Variants in MSH3 observed in about 807,000 individuals in gnomAD.
MSH3 encodes the protein DNA mismatch repair protein Msh3.
MSH3 carries 106 observed loss-of-function variants against 123.3 expected under a neutral mutation model. The ratio of observed to expected loss-of-function variants is 0.86; its 90% CI spans 0.73 to 1.01. MSH3 has a LOEUF of 1.01. Among genes scored for constraint, MSH3 ranks in the 50% least tolerant of loss-of-function variants. MSH3 has a pLI of 0.00. For synonymous variants in MSH3, 515 were observed against 481.4 expected (o/e 1.07, Z -0.91); for missense variants, 1,459 against 1,347.6 (o/e 1.08, Z -1.29).
chr5:80,775,337 A>G (rs1005423641), intron 15 of MSH3, among the ~76,000 whole-genome samples: 5 of 152,168 alleles, frequency 3.3e-5, no homozygotes, highest in African/African-American at 9.7e-5. Flanking sequence ...AAAATTTTAT[A>G]TACTTAGAAA....
intron 12 of MSH3, among the ~76,000 whole-genome samples, chr5:80,752,885 A>C (rs1056629383): frequency 2.6e-5 from 4 of 152,314 alleles, no homozygotes; most frequent in Non-Finnish European, 5.9e-5. Flanking sequence ...ATAAAAGAAC[A>C]CATAAATGAT....
At chr5:80,841,821 G>A (rs1419571181) in intron 20 of MSH3, among the ~76,000 whole-genome samples, 4 of 152,046 alleles carry the variant, frequency 2.6e-5, no homozygotes, top group African/African-American at 4.8e-5. Flanking sequence ...TGTCAGATGG[G>A]TAGATTGCAA....
At chr5:80,703,768 G>T (rs911835245) in intron 8 of MSH3, among the ~76,000 whole-genome samples, 1 of 151,862 alleles carries the variant, frequency 6.6e-6, no homozygotes, top group African/African-American at 2.4e-5. Flanking sequence ...GTAGTCCTTT[G>T]TCAATGTGCT....
intron 20 of MSH3, among the ~76,000 whole-genome samples, chr5:80,836,319 T>TAG (rs1249973805): frequency 5.9e-5 from 9 of 152,140 alleles, no homozygotes; most frequent in Non-Finnish European, 1.2e-4. Context: ...ATTGAACATC[T>TAG]TATGTGCAAG....
chr5:80,807,807 T>C (rs1744917940), intron 19 of MSH3, among the ~76,000 whole-genome samples: 1 of 152,174 alleles, frequency 6.6e-6, no homozygotes, highest in Non-Finnish European at 1.5e-5. Context: ...CACTAACAGA[T>C]ACCCACCTCA....
intron 8 of MSH3, among the ~76,000 whole-genome samples, chr5:80,724,716 C>T: frequency 6.6e-6 from 1 of 151,916 alleles, no homozygotes. Context: ...GCAGAAAGTC[C>T]CTCAAAGAAA....
chr5:80,773,189 G>C (rs1744241193), intron 15 of MSH3, among the ~76,000 whole-genome samples: 1 of 152,158 alleles, frequency 6.6e-6, no homozygotes, highest in Admixed American at 6.5e-5. Flanking sequence ...CAATCAGTCT[G>C]TTCCTGAATT....
rs1324032838 is a variant in MSH3 at position 80,854,301 on chromosome 5, G to C, written c.2985G>C (p.Glu995Asp). Residue 995 changes from glutamate to aspartate, a missense_variant, in exon 21 of 24, where the codon GAG becomes GAC. Transcript: ENST00000265081. ...TTGCCATTGCCTATGCTACACTTGA[G>C]TATTTCATCAGAGATGTAAGTATCC... ...DGIAIAYATL[E>D]YFIRDVKSLT... 1.9e-6 allele frequency: 3 copies of C among 1,613,676 alleles called. No individual in the cohort carries two copies. Among genetic ancestry groups the C allele is most frequent in the Non-Finnish European group, 2.5e-6 (3 of 1,179,724 alleles).
chr5:80,795,397 C>T (rs1014560067), intron 19 of MSH3, among the ~76,000 whole-genome samples: 1 of 152,062 alleles, frequency 6.6e-6, no homozygotes, highest in Non-Finnish European at 1.5e-5. Flanking sequence ...GCTGGAAAGT[C>T]CAAGATCAAG....
intron 20 of MSH3, among the ~76,000 whole-genome samples, chr5:80,841,274 T>C (rs796120764): frequency 2.2e-4 from 33 of 152,240 alleles, no homozygotes; most frequent in African/African-American, 7.5e-4. Flanking sequence ...ATGGTGTATA[T>C]GTGCCATATT....
intron 8 of MSH3, among the ~76,000 whole-genome samples, chr5:80,697,975 G>A (rs1158837905): frequency 1.3e-5 from 2 of 152,086 alleles, no homozygotes; most frequent in African/African-American, 2.4e-5. Context: ...TGGCACCATC[G>A]TGGTTCACTG....
chr5:80,776,422 T>A (rs1744300198), intron 16 of MSH3, among the ~76,000 whole-genome samples: 1 of 152,228 alleles, frequency 6.6e-6, no homozygotes, highest in Non-Finnish European at 1.5e-5. Context: ...CTGACATTTC[T>A]TTTAAGAAGC....
At chr5:80,677,599 A>G (rs1199547831) in intron 7 of MSH3, among the ~76,000 whole-genome samples, 1 of 152,184 alleles carries the variant, frequency 6.6e-6, no homozygotes, top group East Asian at 1.9e-4. Context: ...TAGAGGAGCT[A>G]TAACACTGCC....
intron 20 of MSH3, among the ~76,000 whole-genome samples, chr5:80,843,489 C>G (rs1745663754): frequency 6.6e-6 from 1 of 152,180 alleles, no homozygotes; most frequent in Non-Finnish European, 1.5e-5. Flanking sequence ...GTACCAGCTC[C>G]TCTTTGTACC....
intron 19 of MSH3, among the ~76,000 whole-genome samples, chr5:80,805,140 A>G (rs1744864598): frequency 6.6e-6 from 1 of 152,224 alleles, no homozygotes. Flanking sequence ...ATCACATTTC[A>G]TGTTTCAATA....
At position 80,847,969 on chromosome 5, in the gene MSH3, C is replaced by T. The variant is rs565477097; in HGVS notation, c.2814-6161C>T. Among the ~76,000 whole-genome samples, 241 of 152,284 alleles carry T rather than the reference C, an allele frequency of 1.6e-3. 1 individual carries two copies. Among genetic ancestry groups the T allele is most frequent in the South Asian group, 1.0e-2 (48 of 4,820 alleles). On this transcript the variant is annotated intron_variant, in intron 20 of 23. Transcript: ENST00000265081. ...GTCTAGGGCAGGGCACAGTGGCTCACGCTTGTAATCCAAGTGCTTTGGGAG... is the reference window on the plus strand; with the variant it reads ...GTCTAGGGCAGGGCACAGTGGCTCATGCTTGTAATCCAAGTGCTTTGGGAG...
At chr5:80,686,818 T>C (rs912464462) in intron 8 of MSH3, among the ~76,000 whole-genome samples, 2 of 152,174 alleles carry the variant, frequency 1.3e-5, no homozygotes, top group Non-Finnish European at 2.9e-5. Flanking sequence ...GCAGTTTTTG[T>C]CAGTTACTGG....
chr5:80,675,014 T>TG lies in MSH3; in HGVS notation c.1060dup (p.Val354GlyfsTer4), dbSNP rs1580553669. The TG allele has an allele frequency of 1.2e-6, 2 of 1,611,478 alleles. No homozygotes were observed. Among genetic ancestry groups the TG allele is most frequent in the Non-Finnish European group, 1.7e-6 (2 of 1,177,776 alleles). On this transcript the variant is annotated frameshift_variant, in exon 7 of 24. Transcript: ENST00000265081. LOFTEE classifies it high-confidence loss of function. Reference sequence around the variant, plus strand: ...ATCCCCTAATCAAGCTGGATGATGCTGTAAATGTTGATGAGATAATGACTG... The same window carrying TG: ...ATCCCCTAATCAAGCTGGATGATGCTGGTAAATGTTGATGAGATAATGACTG...
chr5:80,785,324 G>A (rs956145788), intron 17 of MSH3, among the ~76,000 whole-genome samples: 15 of 152,132 alleles, frequency 9.9e-5, no homozygotes, highest in African/African-American at 3.4e-4. Context: ...GGTCAGACGC[G>A]TTACCCATTG....
Sources: gnomAD v4.1 joint callset for allele counts (sites outside exome capture counted in the v4.1 genomes callset) on GRCh38, gnomAD v4.1.1 for gene constraint, MANE v1.5 for transcripts, NCBI Gene and HGNC (gene_info 2026-07-23, HGNC 2026-07-21) for gene names.